Variants in RBMS3 observed in about 807,000 individuals in gnomAD.
RBMS3 encodes RNA-binding motif, single-stranded-interacting protein 3.
A neutral mutation model predicts 66.8 loss-of-function variants in RBMS3; 27 were observed. The observed-to-expected ratio is 0.40, with a 90% CI of 0.30 to 0.56. The LOEUF is 0.56. Ranked by LOEUF, RBMS3 falls within the 20% of genes least tolerant of loss-of-function variation. RBMS3 has a pLI of 0.40. For synonymous variants in RBMS3, 188 were observed against 183.0 expected (o/e 1.03, Z -0.22); for missense variants, 513 against 549.5 (o/e 0.93, Z 0.66).
At chr3:29,388,357 A>G (rs1416280533) in intron 1 of RBMS3, among the ~76,000 whole-genome samples, 1 of 152,212 alleles carries the variant, frequency 6.6e-6, no homozygotes, top group Non-Finnish European at 1.5e-5. Context: ...AGTCCGTGAT[A>G]TATAGATGCA....
At chr3:29,914,417 A>G (rs1173105766) in intron 10 of RBMS3, among the ~76,000 whole-genome samples, 1 of 151,916 alleles carries the variant, frequency 6.6e-6, no homozygotes, top group African/African-American at 2.4e-5. Flanking sequence ...CTTATGAGTC[A>G]TTTATTCCTG....
intron 1 of RBMS3, among the ~76,000 whole-genome samples, chr3:29,321,642 G>A (rs1329976284): frequency 6.6e-6 from 1 of 152,098 alleles, no homozygotes; most frequent in Non-Finnish European, 1.5e-5. Context: ...TGTGTAAGAT[G>A]AACACCAATT....
intron 6 of RBMS3, among the ~76,000 whole-genome samples, chr3:29,816,305 CACACA>C: frequency 2.4e-5 from 1 of 41,158 alleles, no homozygotes; most frequent in African/African-American, 8.5e-5. Context: ...CACACAGACA[CACACA>C]GACACACACA....
intron 1 of RBMS3, among the ~76,000 whole-genome samples, chr3:29,297,091 A>G (rs1038044443): frequency 2.6e-5 from 4 of 151,742 alleles, no homozygotes; most frequent in African/African-American, 4.8e-5. Context: ...TGAGTGTGCT[A>G]GTAGAGTAAT....
Position 29,955,745 on chromosome 3 carries a change from C to G in RBMS3, c.1098+11491C>G, listed in dbSNP as rs200541720. 1.2e-4 allele frequency among the ~76,000 whole-genome samples: 19 copies of G among 152,152 alleles called. No individual in the cohort carries two copies. In the East Asian group the frequency reaches 1.4e-3, roughly 11 times the overall value. The stretch of plus-strand genomic sequence containing the variant: ...GACTCACAGGAGAAACATCTGTCTT[C>G]CTTCCATATTGGGAATCATTCTTCA... On this transcript the variant is annotated intron_variant, in intron 12 of 14. Coordinates refer to ENST00000383767, the MANE Select transcript of RBMS3 (RefSeq NM_001003793.3).
At chr3:29,829,779 T>G (rs1455707607) in intron 6 of RBMS3, among the ~76,000 whole-genome samples, 1 of 152,174 alleles carries the variant, frequency 6.6e-6, no homozygotes, top group Non-Finnish European at 1.5e-5. Context: ...GGTATGACAA[T>G]GTTTTTCAAT....
intron 3 of RBMS3, among the ~76,000 whole-genome samples, chr3:29,546,746 A>T (rs1249094541): frequency 6.6e-6 from 1 of 152,094 alleles, no homozygotes; most frequent in African/African-American, 2.4e-5. Context: ...AGGAACACTC[A>T]AGAGATGTTT....
intron 1 of RBMS3, among the ~76,000 whole-genome samples, chr3:29,337,923 G>A (rs986588919): frequency 6.6e-6 from 1 of 152,104 alleles, no homozygotes; most frequent in African/African-American, 2.4e-5. Flanking sequence ...GAAAAAGCAG[G>A]TCACTTGGAA....
intron 1 of RBMS3, among the ~76,000 whole-genome samples, chr3:29,392,183 G>C (rs541722289): frequency 9.1e-4 from 139 of 152,284 alleles, no homozygotes; most frequent in African/African-American, 3.2e-3. Context: ...CCGGGAGGTG[G>C]AGGCTGCAGT....
rs76856429 is a variant in RBMS3 at position 29,600,235 on chromosome 3, C to T, written c.399+13030C>T. Among the ~76,000 whole-genome samples, 3 of 152,048 alleles carry T rather than the reference C, an allele frequency of 2.0e-5. No homozygotes were observed. In the East Asian group the frequency reaches 5.8e-4, roughly 30 times the overall value. On this transcript the variant is annotated intron_variant, in intron 4 of 14. Transcript: ENST00000383767. ...TATTTGCACGTTTGTCCCTTCAAACCTCATGCTGAAATTCGATCCCCGTGT... is the reference window on the plus strand; with the variant it reads ...TATTTGCACGTTTGTCCCTTCAAACTTCATGCTGAAATTCGATCCCCGTGT...
At chr3:29,808,726 T>C (rs188683299) in intron 6 of RBMS3, among the ~76,000 whole-genome samples, 177 of 152,060 alleles carry the variant, frequency 1.2e-3, no homozygotes, top group African/African-American at 3.3e-3. Context: ...TGTCACCTGC[T>C]TGATTATCAC....
In RBMS3 at chr3:29,465,518, C is replaced by A. The variant is rs186076307; in HGVS notation, c.249-22923C>A. On this transcript the variant is annotated intron_variant, in intron 2 of 14. Transcript: ENST00000383767. ...TAAAGAAGGCTTTAGGGTTTGGGAC[C>A]CAAACAGATGGGAATGTGCCCTTAT... Among the ~76,000 whole-genome samples, 12 of 150,434 alleles carry A rather than the reference C, an allele frequency of 8.0e-5. No individual in the cohort carries two copies. In the East Asian group the frequency reaches 2.4e-3, roughly 30 times the overall value.
chr3:29,684,137 G>A (rs2051613564), intron 4 of RBMS3, among the ~76,000 whole-genome samples: 1 of 152,130 alleles, frequency 6.6e-6, no homozygotes, highest in African/African-American at 2.4e-5. Flanking sequence ...TTTTCTCAAT[G>A]CATTCAGGAG....
At chr3:29,804,805 G>C (rs1254280245) in intron 6 of RBMS3, among the ~76,000 whole-genome samples, 1 of 151,982 alleles carries the variant, frequency 6.6e-6, no homozygotes, top group African/African-American at 2.4e-5. Context: ...ATGTCAAAAT[G>C]AATCTGTGAT....
At chr3:29,673,455 A>G (rs1576489374) in intron 4 of RBMS3, among the ~76,000 whole-genome samples, 1 of 150,906 alleles carries the variant, frequency 6.6e-6, no homozygotes, top group Middle Eastern at 3.4e-3. Flanking sequence ...CAGTGAATCC[A>G]GGAGCTGGTT....
intron 3 of RBMS3, among the ~76,000 whole-genome samples, chr3:29,500,838 C>CTGTGTG (rs58254082): frequency 0.054 from 7,994 of 148,238 alleles, 273 homozygotes; most frequent in East Asian, 0.15. Flanking sequence ...GTCAGTACAT[C>CTGTGTG]TGTGTGTGTG....
chr3:29,520,687 T>C (rs1298182402), intron 3 of RBMS3, among the ~76,000 whole-genome samples: 2 of 152,162 alleles, frequency 1.3e-5, no homozygotes, highest in African/African-American at 4.8e-5. Flanking sequence ...CAAATTAATA[T>C]GAAGGATGTA....
intron 10 of RBMS3, among the ~76,000 whole-genome samples, chr3:29,920,711 G>A (rs771124324): frequency 6.6e-6 from 1 of 152,026 alleles, no homozygotes; most frequent in Non-Finnish European, 1.5e-5. Context: ...CATGGTGGCT[G>A]ATGCCTGTAA....
chr3:29,435,230 G>T (rs556584247), intron 2 of RBMS3, among the ~76,000 whole-genome samples: 3 of 152,310 alleles, frequency 2.0e-5, no homozygotes, highest in Admixed American at 1.3e-4. Flanking sequence ...TGGAGTCATT[G>T]ATGAGTCTCA....
Sources: gnomAD v4.1 joint callset for allele counts (sites outside exome capture counted in the v4.1 genomes callset) on GRCh38, gnomAD v4.1.1 for gene constraint, MANE v1.5 for transcripts, NCBI Gene and HGNC (gene_info 2026-07-23, HGNC 2026-07-21) for gene names.